Variants in HOOK1 observed in about 807,000 individuals in gnomAD.
HOOK1 encodes protein Hook homolog 1.
Under a neutral mutation model 112.8 loss-of-function variants are expected in HOOK1, and 60 were observed. That is an observed-to-expected ratio of 0.53 (90% CI 0.43 to 0.66). The LOEUF (loss-of-function observed/expected upper bound fraction) is 0.66, where lower values mean the gene tolerates loss of function less well. Among genes scored for constraint, HOOK1 ranks in the 30% least tolerant of loss-of-function variants. The pLI is 0.00. For synonymous variants in HOOK1, 294 were observed against 283.8 expected (o/e 1.04, Z -0.36); for missense variants, 770 against 856.0 (o/e 0.90, Z 1.25).
At chr1:59,815,925 A>G (rs771499489) in intron 1 of HOOK1, among the ~76,000 whole-genome samples, 3 of 152,168 alleles carry the variant, frequency 2.0e-5, no homozygotes, top group Non-Finnish European at 4.4e-5. Context: ...CTGGACAGGC[A>G]TATCTGTCCC....
Position 59,858,391 on chromosome 1 carries a change from AAT to A in HOOK1, c.1243-36_1243-35del, listed in dbSNP as rs763713222. On this transcript the variant is annotated intron_variant, in intron 12 of 21. Transcript: ENST00000371208. ...CATAAAGTACATTGTTTATAGGCAG[AAT>A]TAAATACTTTGCTGATATCAACAAT... 25 of 1,227,572 alleles carry A rather than the reference AAT, an allele frequency of 2.0e-5. No homozygotes were observed. In the South Asian group the frequency reaches 3.0e-4, roughly 15 times the overall value. The allele number at this position is 1,227,572 out of a possible 1,614,324, so 76.0% of individuals were successfully genotyped here.
In HOOK1 at chr1:59,815,016, G is replaced by C. The variant is rs2098380017; in HGVS notation, c.-102G>C. 2 of 1,247,278 alleles carry C rather than the reference G, an allele frequency of 1.6e-6. No homozygotes were observed. Among genetic ancestry groups the C allele is most frequent in the Admixed American group, 4.0e-5 (2 of 49,814 alleles). 77.3% of individuals were successfully genotyped at this position (1,247,278 alleles called of 1,614,324 possible). On this transcript the variant is annotated 5_prime_UTR_variant, in exon 1 of 22. Transcript: ENST00000371208. The stretch of plus-strand genomic sequence containing the variant: ...CTGCGCGGGTCGGGCCTGGTACCGA[G>C]CTTTCCTGGGGGCTAGCAGGTCGTG...
chr1:59,815,111 G>A lies in HOOK1; in HGVS notation c.-7G>A, dbSNP rs1182899547. ...TGTCCGCGGCGTCGTCGACGGCGGC[G>A]CCGGCCATGGAGGAGACGCAGCCGC... On this transcript the variant is annotated 5_prime_UTR_variant, in exon 1 of 22. Coordinates refer to ENST00000371208, the MANE Select transcript of HOOK1 (RefSeq NM_015888.6). 17 of 1,539,972 alleles carry A rather than the reference G, an allele frequency of 1.1e-5. No individual in the cohort carries two copies. Among genetic ancestry groups the A allele is most frequent in the Non-Finnish European group, 1.4e-5 (16 of 1,146,332 alleles).
chr1:59,864,793 G>A, intron 17 of HOOK1, 127 bp downstream of exon 17: 1 of 653,788 alleles, frequency 1.5e-6, no homozygotes, highest in Non-Finnish European at 2.7e-6. Flanking sequence ...TACACCTGCT[G>A]CAAAAGTGAA....
intron 7 of HOOK1, among the ~76,000 whole-genome samples, chr1:59,839,798 C>T (rs1280424656): frequency 1.3e-5 from 2 of 152,108 alleles, no homozygotes; most frequent in African/African-American, 4.8e-5. Context: ...CCAGTTTTTG[C>T]CCATTCAGTA....
chr1:59,858,392 A>C (rs776478185), intron 12 of HOOK1, 36 bp from the exon 13 acceptor site: 4 of 1,254,598 alleles, frequency 3.2e-6, no homozygotes, highest in Non-Finnish European at 4.7e-6. Flanking sequence ...TATAGGCAGA[A>C]TTAAATACTT....
chr1:59,868,228 T>C, intron 19 of HOOK1, 22 bp from the exon 20 acceptor site: 3 of 1,201,852 alleles, frequency 2.5e-6, no homozygotes, highest in Non-Finnish European at 3.7e-6. Flanking sequence ...AAAGTGAACA[T>C]AGTATTTTTT....
chr1:59,815,644 A>T (rs780657782), intron 1 of HOOK1, among the ~76,000 whole-genome samples: 29 of 151,968 alleles, frequency 1.9e-4, no homozygotes, highest in Non-Finnish European at 2.9e-4. Context: ...CTACCTGGAC[A>T]CAGGTGGCCA....
chr1:59,849,659 G>GA (rs1249385713), intron 12 of HOOK1, among the ~76,000 whole-genome samples: 16 of 151,550 alleles, frequency 1.1e-4, no homozygotes, highest in African/African-American at 3.9e-4. Flanking sequence ...AATCCTCTCA[G>GA]CCCTACTCTT....
intron 8 of HOOK1, among the ~76,000 whole-genome samples, chr1:59,841,545 A>G (rs2098401018): frequency 6.6e-6 from 1 of 152,118 alleles, no homozygotes; most frequent in African/African-American, 2.4e-5. Flanking sequence ...TGTCTCAAGT[A>G]AGGGAAATTT....
intron 5 of HOOK1, among the ~76,000 whole-genome samples, chr1:59,835,143 C>CA (rs1247996863): frequency 6.6e-6 from 1 of 152,108 alleles, no homozygotes; most frequent in Non-Finnish European, 1.5e-5. Context: ...GCAACAATCT[C>CA]AATCTTGAAA....
At position 59,873,927 on chromosome 1, in the gene HOOK1, A is replaced by G. The variant is rs922461806; in HGVS notation, c.*962A>G. On this transcript the variant is annotated 3_prime_UTR_variant, in exon 22 of 22. Transcript: ENST00000371208. ...TGCAGTGATGAAACAAGGTGGGATC[A>G]GTTTGATTTTGTTTACTTATTAAGG... The G allele has an allele frequency of 6.6e-6, 1 of 151,804 alleles. No individual in the cohort carries two copies. The highest frequency in any genetic ancestry group is 1.5e-5 in the Non-Finnish European group (1 of 67,922). 9.4% of individuals were successfully genotyped at this position (151,804 alleles called of 1,614,324 possible). A position where few individuals can be genotyped will look rare whatever the true frequency, so the allele number is the denominator to read the frequency against.
intron 7 of HOOK1, among the ~76,000 whole-genome samples, chr1:59,838,575 T>C (rs893934041): frequency 9.2e-5 from 14 of 152,186 alleles, no homozygotes; most frequent in African/African-American, 3.1e-4. Context: ...TTTGTTTAAG[T>C]TCTTTGTAGA....
At chr1:59,848,211 T>A in intron 10 of HOOK1, 104 bp from the exon 11 acceptor site, 1 of 818,706 alleles carries the variant, frequency 1.2e-6, no homozygotes, top group Non-Finnish European at 1.9e-6. Flanking sequence ...TTACTTTTCT[T>A]TTTTCTTTTT....
chr1:59,823,325 A>G (rs139969665), intron 2 of HOOK1, among the ~76,000 whole-genome samples: 1,847 of 152,372 alleles, frequency 0.012, 37 homozygotes, highest in African/African-American at 0.042. Context: ...GTCTCAAAAA[A>G]CAAAAAACAA....
chr1:59,858,349 TTAAGA>T, intron 12 of HOOK1, 74 bp from the exon 13 acceptor site: 1 of 896,668 alleles, frequency 1.1e-6, no homozygotes, highest in Non-Finnish European at 1.9e-6. Flanking sequence ...ATTAAACTAG[TTAAGA>T]TAAATTGTAA....
intron 1 of HOOK1, among the ~76,000 whole-genome samples, chr1:59,819,092 A>G (rs1422614448): frequency 1.3e-5 from 2 of 151,390 alleles, no homozygotes; most frequent in Admixed American, 6.6e-5. Context: ...AGTTAGAAAG[A>G]ATACATTTTC....
chr1:59,860,378 C>T lies in HOOK1; in HGVS notation c.1532+50C>T. The T allele has an allele frequency of 3.5e-6, 5 of 1,442,472 alleles. No homozygotes were observed. The South Asian group carries it at 7.3e-5, about 21-fold the overall frequency. 89.4% of individuals were successfully genotyped at this position (1,442,472 alleles called of 1,614,324 possible). A position where few individuals can be genotyped will look rare whatever the true frequency, so the allele number is the denominator to read the frequency against. On this transcript the variant is annotated intron_variant, in intron 15 of 21. Transcript: ENST00000371208. Reference sequence around the variant, plus strand: ...AATCTTGGTGATTTTATTACCGAGCCATAAAATCTTGATTCACAGAAATGG... The same window carrying T: ...AATCTTGGTGATTTTATTACCGAGCTATAAAATCTTGATTCACAGAAATGG...
intron 1 of HOOK1, among the ~76,000 whole-genome samples, chr1:59,821,357 G>C (rs982979252): frequency 6.6e-6 from 1 of 152,182 alleles, no homozygotes; most frequent in Non-Finnish European, 1.5e-5. Flanking sequence ...TCTTCAAGAC[G>C]TAAGGCCAAT....
Sources: allele counts gnomAD v4.1 joint callset (sites outside exome capture counted in the v4.1 genomes callset), GRCh38; gene constraint gnomAD v4.1.1; transcripts MANE v1.5; gene names NCBI Gene and HGNC (gene_info 2026-07-23, HGNC 2026-07-21).